NRXN1: variants seen among roughly 807,000 people sequenced by gnomAD.
NRXN1 encodes the protein neurexin-1.
In NRXN1, 39 loss-of-function variants were observed where a neutral mutation model predicts 150.9. The ratio of observed to expected loss-of-function variants is 0.26; its 90% CI spans 0.20 to 0.34. NRXN1 has a LOEUF of 0.34. Among genes scored for constraint, NRXN1 ranks in the 10% least tolerant of loss-of-function variants. The pLI, the probability that NRXN1 is intolerant of heterozygous loss-of-function variation, is 1.00. For missense variants in NRXN1, 1,815 were observed against 1,949.9 expected, an observed-to-expected ratio of 0.93 and a Z score of 1.30; for synonymous variants, 924 against 757.0, an observed-to-expected ratio of 1.22 and a Z score of -3.62.
intron 17 of NRXN1, among the ~76,000 whole-genome samples, chr2:50,423,261 G>C (rs982413116): frequency 6.6e-6 from 1 of 152,058 alleles, no homozygotes; most frequent in African/African-American, 2.4e-5. Context: ...CTTAAAAACA[G>C]GGATATATCT....
intron 5 of NRXN1, among the ~76,000 whole-genome samples, chr2:50,703,456 T>C (rs1694032752): frequency 6.6e-6 from 1 of 152,090 alleles, no homozygotes; most frequent in Non-Finnish European, 1.5e-5. Flanking sequence ...GGTGGAGGGT[T>C]AAGAAGAAGG....
intron 5 of NRXN1, among the ~76,000 whole-genome samples, chr2:50,903,825 T>C (rs911196313): frequency 5.3e-5 from 8 of 152,186 alleles, no homozygotes; most frequent in African/African-American, 1.9e-4. Flanking sequence ...ATTTACTCAT[T>C]TGAAATAATG....
chr2:49,965,365 CA>C (rs1162229679), intron 21 of NRXN1, among the ~76,000 whole-genome samples: 1 of 152,114 alleles, frequency 6.6e-6, no homozygotes, highest in African/African-American at 2.4e-5. Context: ...CTCCCAAGTT[CA>C]AACAATTATC....
Position 50,073,850 on chromosome 2 carries a change from G to C in NRXN1, c.3718+17473C>G, listed in dbSNP as rs139709698. Among the ~76,000 whole-genome samples, 440 of 152,248 alleles carry C rather than the reference G, an allele frequency of 2.9e-3. 1 individual carries two copies. The highest frequency in any genetic ancestry group is 5.2e-3 in the Non-Finnish European group (355 of 68,004). ...TTACACATAAATGAGTGCACTATTAGTTTGATATTTTATCGAGAAAGAAGC... is the reference window on the plus strand; with the variant it reads ...TTACACATAAATGAGTGCACTATTACTTTGATATTTTATCGAGAAAGAAGC... On this transcript the variant is annotated intron_variant, in intron 19 of 22. Transcript: ENST00000401669.
chr2:50,049,636 T>C (rs1692389696), intron 21 of NRXN1, among the ~76,000 whole-genome samples: 1 of 152,138 alleles, frequency 6.6e-6, no homozygotes, highest in Non-Finnish European at 1.5e-5. Context: ...CCAGAAACGA[T>C]GTCACAAGCT....
In NRXN1 at chr2:50,937,199, C is replaced by T. The variant is rs188955780; in HGVS notation, c.773-11244G>A. ...TAAAGCATCTTATTTATGGCTAATA[C>T]GTATTTAATGATGTTAGCCATTATA... On this transcript the variant is annotated intron_variant, in intron 2 of 22. Coordinates refer to ENST00000401669, the MANE Select transcript of NRXN1 (RefSeq NM_001330078.2). Among the ~76,000 whole-genome samples, 730 of 152,160 alleles carry T rather than the reference C, an allele frequency of 4.8e-3. 3 individuals are homozygous for T. The highest frequency in any genetic ancestry group is 7.0e-3 in the Non-Finnish European group (475 of 67,978).
chr2:50,860,253 C>T lies in NRXN1; in HGVS notation c.832+61616G>A, dbSNP rs541599594. 9.4e-5 allele frequency among the ~76,000 whole-genome samples: 14 copies of T among 148,438 alleles called. No individual in the cohort carries two copies. The South Asian group carries it at 2.1e-3, about 22-fold the overall frequency. On this transcript the variant is annotated intron_variant, in intron 5 of 22. Coordinates refer to ENST00000401669, the MANE Select transcript of NRXN1 (RefSeq NM_001330078.2). ...TGTCCTGACATAAACAAGATAACAACATCAGAAAAAAAAAAAATTGTGAGG... is the reference window on the plus strand; with the variant it reads ...TGTCCTGACATAAACAAGATAACAATATCAGAAAAAAAAAAAATTGTGAGG...
At chr2:49,991,942 T>C (rs954942103) in intron 21 of NRXN1, among the ~76,000 whole-genome samples, 1 of 152,150 alleles carries the variant, frequency 6.6e-6, no homozygotes, top group East Asian at 1.9e-4. Context: ...TAGATAAATA[T>C]AATCAACTGA....
In NRXN1 at chr2:51,028,293, C is replaced by T; in HGVS notation, c.-20G>A. 2 of 1,417,896 alleles carry T rather than the reference C, an allele frequency of 1.4e-6. No individual in the cohort carries two copies. The highest frequency in any genetic ancestry group is 1.6e-5 in the South Asian group (1 of 63,378). The allele number at this position is 1,417,896 out of a possible 1,614,324, so 87.8% of individuals were successfully genotyped here. A position where few individuals can be genotyped will look rare whatever the true frequency, so the allele number is the denominator to read the frequency against. ...CCCCATGCTCGGGGCTGGGGTGCGG[C>T]GGGGGGGTGCCGGGGCCGACAGGGT... On this transcript the variant is annotated 5_prime_UTR_variant, in exon 2 of 23. Transcript: ENST00000401669.
chr2:50,935,908 G>C (rs2104437263), intron 2 of NRXN1, among the ~76,000 whole-genome samples: 1 of 152,198 alleles, frequency 6.6e-6, no homozygotes, highest in South Asian at 2.1e-4. Context: ...TATTTTCCAA[G>C]TCTATTTTCA....
At chr2:50,338,347 G>A (rs1326426779) in intron 17 of NRXN1, among the ~76,000 whole-genome samples, 1 of 151,966 alleles carries the variant, frequency 6.6e-6, no homozygotes, top group Non-Finnish European at 1.5e-5. Flanking sequence ...TACTATGTAG[G>A]CACAAATGGT....
chr2:50,236,851 C>G lies in NRXN1; in HGVS notation c.3484G>C (p.Glu1162Gln). The G allele has an allele frequency of 6.2e-7, 1 of 1,612,962 alleles. No homozygotes were observed. The highest frequency in any genetic ancestry group is 8.5e-7 in the Non-Finnish European group (1 of 1,179,582). Reference sequence around the variant, plus strand: ...CTGTCCACTCGCACCAATACGGCTTCTTTCTGAACAGTGCTAAAACCTATG... The same window carrying G: ...CTGTCCACTCGCACCAATACGGCTTGTTTCTGAACAGTGCTAAAACCTATG... Reference protein sequence around the residue: ...LAIGFSTVQKEAVLVRVDSSS... With the variant: ...LAIGFSTVQKQAVLVRVDSSS... Residue 1162 changes from glutamate (E) to glutamine (Q), a missense_variant, in exon 18 of 23, where the codon GAA (glutamate) becomes CAA (glutamine). By Grantham distance (29) the Glu-to-Gln change is conservative. Coordinates refer to ENST00000401669, the MANE Select transcript of NRXN1 (RefSeq NM_001330078.2).
At chr2:50,212,609 G>C (rs1298951883) in intron 18 of NRXN1, among the ~76,000 whole-genome samples, 1 of 151,840 alleles carries the variant, frequency 6.6e-6, no homozygotes, top group Non-Finnish European at 1.5e-5. Context: ...ATTGGTAAAA[G>C]AAGTTGAAGG....
chr2:50,492,299 G>C lies in NRXN1; in HGVS notation c.3070+3606C>G, dbSNP rs563644057. On this transcript the variant is annotated intron_variant, in intron 15 of 22. Coordinates refer to ENST00000401669, the MANE Select transcript of NRXN1 (RefSeq NM_001330078.2). The stretch of plus-strand genomic sequence containing the variant: ...GATGAAAGCAAAACTGTATCAGCAG[G>C]AAGAGACACACAACCCCCTGAGAAT... 4.5e-4 allele frequency among the ~76,000 whole-genome samples: 69 copies of C among 152,266 alleles called. 2 individuals carry two copies. In the South Asian group the frequency reaches 0.014, roughly 31 times the overall value.
intron 17 of NRXN1, among the ~76,000 whole-genome samples, chr2:50,445,219 G>C (rs1021542709): frequency 2.0e-5 from 3 of 152,262 alleles, no homozygotes; most frequent in African/African-American, 7.2e-5. Flanking sequence ...TGCATCAGGA[G>C]AGATAAAGAG....
At chr2:50,079,011 T>C (rs1018488283) in intron 19 of NRXN1, among the ~76,000 whole-genome samples, 2 of 152,244 alleles carry the variant, frequency 1.3e-5, no homozygotes, top group South Asian at 2.1e-4. Flanking sequence ...CCTATTTCCA[T>C]CATCCTTCTA....
At chr2:50,641,237 C>T (rs551161378) in intron 5 of NRXN1, among the ~76,000 whole-genome samples, 1 of 152,088 alleles carries the variant, frequency 6.6e-6, no homozygotes, top group Non-Finnish European at 1.5e-5. Context: ...TCATAAAAGG[C>T]TTTAATACAT....
At chr2:50,813,188 G>C (rs1266845144) in intron 5 of NRXN1, among the ~76,000 whole-genome samples, 1 of 148,478 alleles carries the variant, frequency 6.7e-6, no homozygotes, top group Non-Finnish European at 1.5e-5. Flanking sequence ...GCAACACCTT[G>C]TCTCAAAAAA....
intron 18 of NRXN1, among the ~76,000 whole-genome samples, chr2:50,104,123 G>A (rs7607484): frequency 0.59 from 89,565 of 151,824 alleles, 27,409 homozygotes; most frequent in African/African-American, 0.74. Flanking sequence ...ATCATTTCGT[G>A]AAGCAAAAAC....
Sources: allele counts gnomAD v4.1 joint callset (sites outside exome capture counted in the v4.1 genomes callset), GRCh38; gene constraint gnomAD v4.1.1; transcripts MANE v1.5; gene names NCBI Gene and HGNC (gene_info 2026-07-23, HGNC 2026-07-21).